Variants in PHACTR4 observed in about 807,000 individuals in gnomAD.
The protein encoded by PHACTR4 is protein phosphatase 1, regulatory subunit 124.
PHACTR4 carries 51 observed loss-of-function variants against 72.7 expected under a neutral mutation model. The observed-to-expected ratio is 0.70, with a 90% confidence interval of 0.56 to 0.89. The LOEUF (loss-of-function observed/expected upper bound fraction) is 0.89, where lower values mean the gene tolerates loss of function less well. PHACTR4 is among the 40% of genes least tolerant of loss of function. The pLI is 0.00. For synonymous variants in PHACTR4, 255 were observed against 302.5 expected, an observed-to-expected ratio of 0.84 and a Z score of 1.63; for missense variants, 731 against 861.8, an observed-to-expected ratio of 0.85 and a Z score of 1.90.
At chr1:28,383,917 A>T (rs2124157801) in intron 1 of PHACTR4, among the ~76,000 whole-genome samples, 1 of 152,266 alleles carries the variant, frequency 6.6e-6, no homozygotes, top group Admixed American at 6.6e-5. Flanking sequence ...CTGTTGAGAT[A>T]ATCATGTGGT....
At chr1:28,487,182 C>G (rs1478205241) in intron 9 of PHACTR4, among the ~76,000 whole-genome samples, 1 of 151,794 alleles carries the variant, frequency 6.6e-6, no homozygotes, top group African/African-American at 2.4e-5. Context: ...CTGGCTAACA[C>G]GGTGAAACGC....
At chr1:28,467,970 A>G (rs940623358) in intron 6 of PHACTR4, among the ~76,000 whole-genome samples, 1 of 152,226 alleles carries the variant, frequency 6.6e-6, no homozygotes, top group African/African-American at 2.4e-5. Context: ...TAGGCTTAGT[A>G]TTGCTTAAAG....
intron 7 of PHACTR4, among the ~76,000 whole-genome samples, chr1:28,474,939 T>TTTTATTTATTTATTTATTTA (rs143428465): frequency 3.7e-4 from 56 of 151,300 alleles, no homozygotes; most frequent in African/African-American, 1.3e-3. Context: ...AAAACTTTAT[T>TTTTATTTATTTATTTATTTA]TTTATTTATT....
rs1348123036 is a variant in PHACTR4, at chr1:28,496,695, C to G, written c.*146C>G. The stretch of plus-strand genomic sequence containing the variant: ...GAGGTGGACAGCACTTTGAATGTAG[C>G]ATTTCACTGGAACAGAGTCTTATGT... On this transcript the variant is annotated 3_prime_UTR_variant, in exon 14 of 14. Coordinates refer to ENST00000373839, the MANE Select transcript of PHACTR4 (RefSeq NM_001048183.3). The G allele has an allele frequency of 1.1e-6, 1 of 908,768 alleles. No individual in the cohort carries two copies. The highest frequency in any genetic ancestry group is 2.4e-5 in the East Asian group (1 of 40,844). The allele number at this position is 908,768 out of a possible 1,614,324, so 56.3% of individuals were successfully genotyped here. A position where few individuals can be genotyped will look rare whatever the true frequency, so the allele number is the denominator to read the frequency against.
intron 1 of PHACTR4, among the ~76,000 whole-genome samples, chr1:28,392,521 G>C (rs1267842936): frequency 1.3e-5 from 2 of 151,346 alleles, no homozygotes; most frequent in African/African-American, 4.9e-5. Flanking sequence ...TTGCACCTCA[G>C]CCTCCAGAGT....
chr1:28,371,123 C>T (rs1651213136), intron 1 of PHACTR4, among the ~76,000 whole-genome samples: 1 of 152,050 alleles, frequency 6.6e-6, no homozygotes, highest in South Asian at 2.1e-4. Flanking sequence ...TTGTTTGTTT[C>T]ATTTAAGAGA....
At chr1:28,448,811 G>C (rs1439155569) in intron 2 of PHACTR4, among the ~76,000 whole-genome samples, 1 of 107,874 alleles carries the variant, frequency 9.3e-6, no homozygotes, top group African/African-American at 3.5e-5. Context: ...AACATACAGA[G>C]AGTTCATACA....
At chr1:28,483,178 C>G (rs1023118965) in intron 9 of PHACTR4, among the ~76,000 whole-genome samples, 1 of 148,732 alleles carries the variant, frequency 6.7e-6, no homozygotes, top group Non-Finnish European at 1.5e-5. Flanking sequence ...CTGAGGTGGG[C>G]GGATCACTTG....
chr1:28,427,762 G>A (rs1655966067), intron 2 of PHACTR4, among the ~76,000 whole-genome samples: 1 of 152,064 alleles, frequency 6.6e-6, no homozygotes, highest in South Asian at 2.1e-4. Flanking sequence ...AGAGGGCAGG[G>A]ATTATTTTCC....
chr1:28,378,724 G>A (rs917971061), intron 1 of PHACTR4, among the ~76,000 whole-genome samples: 1 of 151,770 alleles, frequency 6.6e-6, no homozygotes, highest in African/African-American at 2.4e-5. Flanking sequence ...GGCAGATATT[G>A]GAGATGTGCA....
In PHACTR4 at chr1:28,385,363, G is replaced by A. The variant is rs550850653; in HGVS notation, c.-39+15538G>A. 2.0e-5 allele frequency among the ~76,000 whole-genome samples: 3 copies of A among 151,968 alleles called. No homozygotes were observed. The South Asian group carries it at 6.2e-4, about 32-fold the overall frequency. On this transcript the variant is annotated intron_variant, in intron 1 of 13. Coordinates refer to ENST00000373839, the MANE Select transcript of PHACTR4 (RefSeq NM_001048183.3). ...GTTTGAGACCAGCCTGGCCATCATG[G>A]TAGAACCCCATCTCTACTAAAAATT...
intron 2 of PHACTR4, among the ~76,000 whole-genome samples, chr1:28,424,785 G>A (rs919774623): frequency 2.0e-5 from 3 of 151,256 alleles, no homozygotes; most frequent in Non-Finnish European, 4.4e-5. Context: ...ACCGTGGCTG[G>A]CCTGTTTTTT....
intron 4 of PHACTR4, among the ~76,000 whole-genome samples, chr1:28,464,597 C>T (rs1659021096): frequency 1.3e-5 from 2 of 152,206 alleles, no homozygotes; most frequent in African/African-American, 4.8e-5. Flanking sequence ...ATTCTCACTC[C>T]AGGAAAATGA....
intron 1 of PHACTR4, among the ~76,000 whole-genome samples, chr1:28,377,831 CAAA>C (rs113558661): frequency 9.3e-6 from 1 of 107,526 alleles, no homozygotes. Flanking sequence ...AAGACCATCT[CAAA>C]AAAAAAAAAA....
intron 9 of PHACTR4, among the ~76,000 whole-genome samples, chr1:28,484,818 T>G (rs1010644099): frequency 6.6e-6 from 1 of 151,398 alleles, no homozygotes; most frequent in African/African-American, 2.4e-5. Context: ...TTACAAAAAA[T>G]TTAGCCGGGT....
intron 9 of PHACTR4, among the ~76,000 whole-genome samples, chr1:28,481,860 T>G (rs766363435): frequency 6.6e-6 from 1 of 151,820 alleles, no homozygotes; most frequent in Non-Finnish European, 1.5e-5. Flanking sequence ...CTCTAAGAAT[T>G]TGGAAATTGA....
intron 2 of PHACTR4, among the ~76,000 whole-genome samples, chr1:28,440,161 G>T (rs1312031256): frequency 6.6e-6 from 1 of 151,368 alleles, no homozygotes. Context: ...AATCAGCTGG[G>T]CGTGGTGGCG....
At chr1:28,446,260 A>G (rs868324347) in intron 2 of PHACTR4, among the ~76,000 whole-genome samples, 2 of 152,284 alleles carry the variant, frequency 1.3e-5, no homozygotes, top group South Asian at 2.1e-4. Flanking sequence ...TGGACTACCA[A>G]CCAAAACTTA....
chr1:28,395,104 G>C (rs1048550608), intron 1 of PHACTR4, among the ~76,000 whole-genome samples: 16 of 151,854 alleles, frequency 1.1e-4, no homozygotes, highest in African/African-American at 3.6e-4. Flanking sequence ...GTAGAGATGG[G>C]GTTTCGCCAT....
Sources: allele counts gnomAD v4.1 joint callset (sites outside exome capture counted in the v4.1 genomes callset), GRCh38; gene constraint gnomAD v4.1.1; transcripts MANE v1.5; gene names NCBI Gene and HGNC (gene_info 2026-07-23, HGNC 2026-07-21).